The following HP1BP3 variants were observed in gnomAD, a reference collection of about 807,000 sequenced individuals.
HP1BP3 encodes heterochromatin protein 1 binding protein 3.
HP1BP3 carries 12 observed loss-of-function variants against 62.5 expected under a neutral mutation model. The observed-to-expected ratio is 0.19, with a 90% CI of 0.12 to 0.31. The LOEUF (loss-of-function observed/expected upper bound fraction) is 0.31. Ranked by LOEUF, HP1BP3 falls within the 10% of genes least tolerant of loss-of-function variation. The probability of loss-of-function intolerance (pLI) is 1.00; values close to 1 mark genes in which losing one functional copy is unlikely to be tolerated. For missense variants in HP1BP3, 502 were observed against 651.8 expected, an observed-to-expected ratio of 0.77 and a Z score of 2.50; for synonymous variants, 260 against 237.8, an observed-to-expected ratio of 1.09 and a Z score of -0.86.
intron 9 of HP1BP3, among the ~76,000 whole-genome samples, chr1:20,755,924 T>C (rs1414010694): frequency 6.6e-6 from 1 of 152,172 alleles, no homozygotes; most frequent in Non-Finnish European, 1.5e-5. Flanking sequence ...ATTCTATCCA[T>C]ATGAAATGTG....
rs1353344206 is a variant in HP1BP3 at position 20,780,385 on chromosome 1, A to G, written c.56T>C (p.Ile19Thr). Residue 19 changes from isoleucine (I) to threonine (T), a missense_variant, in exon 2 of 13, where the codon ATA becomes ACA. By Grantham distance (89) the Ile-to-Thr change is moderately conservative. This residue lies in a region of HP1BP3 where 165 missense variants were observed against 156.4 expected (regional missense o/e 1.05). Transcript: ENST00000438032. Reference sequence around the variant, plus strand: ...CGCGTGGATCAGCTGAGCTCCTACTATAAGTGGGAGTGCCTTAGGATGGAC... The same window carrying G: ...CGCGTGGATCAGCTGAGCTCCTACTGTAAGTGGGAGTGCCTTAGGATGGAC... ...ELVHPKALPLIVGAQLIHADK... is the reference protein window; with the variant it reads ...ELVHPKALPLTVGAQLIHADK... 8 of 1,613,666 alleles carry G rather than the reference A, an allele frequency of 5.0e-6. No individual in the cohort carries two copies. The highest frequency in any genetic ancestry group is 6.8e-6 in the Non-Finnish European group (8 of 1,179,592).
At chr1:20,757,782 GTTC>G (rs1202350712) in intron 8 of HP1BP3, among the ~76,000 whole-genome samples, 10 of 152,202 alleles carry the variant, frequency 6.6e-5, no homozygotes, top group South Asian at 6.2e-4. Flanking sequence ...AATATGCCCA[GTTC>G]TTCTTCTAGG....
rs568712682 is a variant in HP1BP3, at chr1:20,758,951, C to T, written c.891-1695G>A. Among the ~76,000 whole-genome samples, 4 of 152,144 alleles carry T rather than the reference C, an allele frequency of 2.6e-5. No homozygotes were observed. In the East Asian group the frequency reaches 7.7e-4, roughly 29 times the overall value. On this transcript the variant is annotated intron_variant, in intron 8 of 12. Coordinates refer to ENST00000438032, the MANE Select transcript of HP1BP3 (RefSeq NM_001372052.1). ...TACACATGTGAACCGCAGCACCTGG[C>T]TGGGAGAGAGGTTTTGGTTGGTCAT... is the stretch of plus-strand genomic sequence containing the variant.
intron 9 of HP1BP3, among the ~76,000 whole-genome samples, chr1:20,753,060 G>A (rs775828760): frequency 6.6e-6 from 1 of 151,948 alleles, no homozygotes; most frequent in African/African-American, 2.4e-5. Flanking sequence ...TCCTGCCTCA[G>A]CCTCCCGAGT....
chr1:20,786,343 C>G (rs2057828948), intron 1 of HP1BP3: 1 of 152,326 alleles, frequency 6.6e-6, no homozygotes, highest in Non-Finnish European at 1.5e-5. Context: ...TCAAGGCCGC[C>G]GTCGCGGAGC....
At chr1:20,764,350 G>GT (rs113729006) in intron 8 of HP1BP3, among the ~76,000 whole-genome samples, 220 of 145,342 alleles carry the variant, frequency 1.5e-3, no homozygotes, top group African/African-American at 4.8e-3. Context: ...TACTCTTATG[G>GT]TTTTTTTTTT....
chr1:20,777,650 G>A (rs758774400), intron 3 of HP1BP3, among the ~76,000 whole-genome samples: 1 of 152,098 alleles, frequency 6.6e-6, no homozygotes, highest in African/African-American at 2.4e-5. Context: ...AGTAGTGACA[G>A]GGTTTCATTG....
At chr1:20,760,054 A>G (rs1453688274) in intron 8 of HP1BP3, among the ~76,000 whole-genome samples, 1 of 151,838 alleles carries the variant, frequency 6.6e-6, no homozygotes, top group Non-Finnish European at 1.5e-5. Flanking sequence ...ATGCCCGGCT[A>G]ATTTTTGTAT....
intron 12 of HP1BP3, 49 bp downstream of exon 12, chr1:20,745,492 GCT>G (rs758422276): frequency 1.6e-5 from 25 of 1,593,454 alleles, no homozygotes; most frequent in Non-Finnish European, 2.0e-5. Context: ...CTATTTTTCA[GCT>G]CTGAGGTATT....
chr1:20,770,905 C>G lies in HP1BP3; in HGVS notation c.654+25G>C, dbSNP rs2057028632. The G allele has an allele frequency of 6.5e-6, 10 of 1,539,184 alleles. No individual in the cohort carries two copies. In the Middle Eastern group the frequency reaches 8.5e-4, roughly 131 times the overall value. ...TAAAGCTAATACACAATGAAATGATCTTACTACTAACAATTGTGTAATACC... is the reference window on the plus strand; with the variant it reads ...TAAAGCTAATACACAATGAAATGATGTTACTACTAACAATTGTGTAATACC... On this transcript the variant is annotated intron_variant, in intron 6 of 12. Coordinates refer to ENST00000438032, the MANE Select transcript of HP1BP3 (RefSeq NM_001372052.1).
At chr1:20,785,726 A>G (rs566915740) in intron 1 of HP1BP3, among the ~76,000 whole-genome samples, 1 of 152,354 alleles carries the variant, frequency 6.6e-6, no homozygotes, top group East Asian at 1.9e-4. Flanking sequence ...TTCCAGCCCT[A>G]CAATCTTCCA....
Position 20,741,254 on chromosome 1 carries a change from T to A in HP1BP3, c.*3543A>T, listed in dbSNP as rs1210411487. On this transcript the variant is annotated 3_prime_UTR_variant, in exon 13 of 13. Transcript: ENST00000438032. ...TCTCTTAGTTAAATGCAGTATTTAA[T>A]GAACATGGCTGGTGAGTTTCGTTCT... Among the ~76,000 whole-genome samples, 2 of 152,244 alleles carry A rather than the reference T, an allele frequency of 1.3e-5. No individual in the cohort carries two copies. Among genetic ancestry groups the A allele is most frequent in the East Asian group, 3.8e-4 (2 of 5,202 alleles).
chr1:20,745,085 C>T lies in HP1BP3; in HGVS notation c.1374G>A (p.Gln458=). 1 of 1,605,190 alleles carries T rather than the reference C, an allele frequency of 6.2e-7. No homozygotes were observed. The highest frequency in any genetic ancestry group is 8.5e-7 in the Non-Finnish European group (1 of 1,177,144). Residue 458 remains glutamine (Q), a synonymous_variant, in exon 13 of 13, where the codon CAG becomes CAA. Coordinates refer to ENST00000438032, the MANE Select transcript of HP1BP3 (RefSeq NM_001372052.1). ...DEEPPPKRRL[Q]KKTPAKSPGK... ...CTGGGGACTTGGCTGGGGTTTTCTT[C>T]TGCAACCTGTGAGAACCAAAGAGCA... is the stretch of plus-strand genomic sequence containing the variant.
intron 8 of HP1BP3, among the ~76,000 whole-genome samples, chr1:20,757,735 A>C (rs188335663): frequency 3.3e-5 from 5 of 151,854 alleles, no homozygotes; most frequent in Non-Finnish European, 5.9e-5. Flanking sequence ...TTCCAAAGAC[A>C]CCTTCTTCAA....
At chr1:20,766,036 A>G (rs2056766468) in intron 7 of HP1BP3, among the ~76,000 whole-genome samples, 1 of 152,084 alleles carries the variant, frequency 6.6e-6, no homozygotes, top group African/African-American at 2.4e-5. Context: ...TCACGTCTGT[A>G]ATCCCAGCAC....
chr1:20,745,520 A>G (rs1285167056), intron 12 of HP1BP3, 23 bp downstream of exon 12: 1 of 1,612,698 alleles, frequency 6.2e-7, no homozygotes, highest in Admixed American at 1.7e-5. Context: ...TCCTCCCCAC[A>G]AGGGGTTTTC....
At chr1:20,775,854 A>C in intron 4 of HP1BP3, 1 of 1,144,390 alleles carries the variant, frequency 8.7e-7, no homozygotes, top group Non-Finnish European at 1.2e-6. Context: ...GTGTAAGTAC[A>C]CTTTATGATG....
intron 8 of HP1BP3, among the ~76,000 whole-genome samples, chr1:20,762,674 C>T (rs1052868447): frequency 6.6e-6 from 1 of 152,088 alleles, no homozygotes; most frequent in African/African-American, 2.4e-5. Flanking sequence ...TACCTATGAC[C>T]TAGAAGCCCC....
chr1:20,763,331 T>C (rs920239870), intron 8 of HP1BP3, among the ~76,000 whole-genome samples: 1 of 152,242 alleles, frequency 6.6e-6, no homozygotes, highest in Non-Finnish European at 1.5e-5. Flanking sequence ...ACTACCACTA[T>C]ACTCAGCATA....
Sources: gnomAD v4.1 joint callset for allele counts (sites outside exome capture counted in the v4.1 genomes callset) on GRCh38, gnomAD v4.1.1 for gene constraint, gnomAD v4.1.1 regional missense constraint, MANE v1.5 for transcripts, NCBI Gene and HGNC (gene_info 2026-07-23, HGNC 2026-07-21) for gene names.